Variants in MYLK observed in about 807,000 individuals in gnomAD.
MYLK encodes myosin light chain kinase, also known as myosin light chain kinase, smooth muscle.
MYLK carries 106 observed loss-of-function variants against 203.4 expected under a neutral mutation model. The observed-to-expected ratio is 0.52, with a 90% confidence interval of 0.45 to 0.61. MYLK has a LOEUF of 0.61. MYLK is among the 20% of genes least tolerant of loss of function. MYLK has a pLI of 0.00. For missense variants in MYLK, 2,072 were observed against 2,442.3 expected (o/e 0.85, Z 3.20); for synonymous variants, 867 against 959.5 (o/e 0.90, Z 1.78).
chr3:123,814,939 C>A (rs1223033821), intron 3 of MYLK, among the ~76,000 whole-genome samples: 2 of 152,018 alleles, frequency 1.3e-5, no homozygotes, highest in African/African-American at 2.4e-5. Flanking sequence ...ACTACAGGCA[C>A]CTGACACCAT....
At chr3:123,739,868 C>G (rs767620302) in intron 6 of MYLK, 85 bp downstream of exon 6, 3 of 1,455,538 alleles carry the variant, frequency 2.1e-6, no homozygotes, top group Non-Finnish European at 2.9e-6. Flanking sequence ...CTAGGAGAGC[C>G]AAGACTTACT....
intron 5 of MYLK, among the ~76,000 whole-genome samples, chr3:123,749,810 G>C (rs1576838781): frequency 6.6e-6 from 1 of 152,350 alleles, no homozygotes; most frequent in African/African-American, 2.4e-5. Context: ...AATTAGTAGA[G>C]CTAAAATTCA....
chr3:123,649,309 T>A, intron 24 of MYLK, 115 bp from the exon 25 acceptor site: 2 of 1,361,634 alleles, frequency 1.5e-6, no homozygotes, highest in Non-Finnish European at 2.1e-6. Context: ...GGCAGACGAC[T>A]ACCAGGTCCA....
intron 4 of MYLK, among the ~76,000 whole-genome samples, chr3:123,772,075 T>C (rs2063902653): frequency 6.6e-6 from 1 of 152,164 alleles, no homozygotes; most frequent in African/African-American, 2.4e-5. Context: ...GGTATGCACA[T>C]GCACTTCACC....
chr3:123,785,378 C>G (rs1000041589), intron 4 of MYLK, among the ~76,000 whole-genome samples: 3 of 152,216 alleles, frequency 2.0e-5, no homozygotes, highest in Non-Finnish European at 4.4e-5. Flanking sequence ...CATACTGCTG[C>G]TTTCCCTTTG....
chr3:123,641,076 A>G (rs1440088699), intron 27 of MYLK, among the ~76,000 whole-genome samples: 1 of 152,190 alleles, frequency 6.6e-6, no homozygotes, highest in Non-Finnish European at 1.5e-5. Flanking sequence ...GGCCTATAGT[A>G]TTGGTTTACT....
At position 123,611,348 on chromosome 3, in the gene MYLK, A is replaced by G. The variant is rs945135252; in HGVS notation, c.*2757T>C. 3 of 152,194 alleles carry G rather than the reference A, an allele frequency of 2.0e-5. No homozygotes were observed. Among genetic ancestry groups the G allele is most frequent in the African/African-American group, 7.2e-5 (3 of 41,444 alleles). The allele number at this position is 152,194 out of a possible 1,614,324, so 9.4% of individuals were successfully genotyped here. A position where few individuals can be genotyped will look rare whatever the true frequency, so the allele number is the denominator to read the frequency against. On this transcript the variant is annotated 3_prime_UTR_variant, in exon 34 of 34. Coordinates refer to ENST00000360304, the MANE Select transcript of MYLK (RefSeq NM_053025.4). ...TAGTTTCCTGATAACAAATTCTTCA[A>G]TATGAAGGTATGGATAAAGCATTTG...
rs760679725 is a variant in MYLK at position 123,709,855 on chromosome 3, C to T, written c.1843G>A (p.Val615Met). 2 of 1,614,178 alleles carry T rather than the reference C, an allele frequency of 1.2e-6. No individual in the cohort carries two copies. Among genetic ancestry groups the T allele is most frequent in the East Asian group, 4.5e-5 (2 of 44,886 alleles). ...SSRKSEYLLPVAPSKPTAPIF... is the reference protein window; with the variant it reads ...SSRKSEYLLPMAPSKPTAPIF... ...GGTGCAGTGGGCTTGCTGGGAGCCA[C>T]AGGCAGAAGGTACTCACTCTTCCTG... Residue 615 changes from valine to methionine, a missense_variant, in exon 14 of 34, where the codon GTG (valine) becomes ATG (methionine). This residue lies in a region of MYLK where 865 missense variants were observed against 1,016.0 expected (regional missense o/e 0.85). Transcript: ENST00000360304.
At chr3:123,644,933 T>C (rs78315568) in intron 27 of MYLK, among the ~76,000 whole-genome samples, 1,855 of 152,340 alleles carry the variant, frequency 0.012, 28 homozygotes, top group African/African-American at 0.038. Context: ...CAAGTACTTC[T>C]TCGTGCTGAT....
chr3:123,757,091 T>A (rs2063380685), intron 4 of MYLK, among the ~76,000 whole-genome samples: 1 of 152,212 alleles, frequency 6.6e-6, no homozygotes, highest in African/African-American at 2.4e-5. Context: ...TACCTGCCTG[T>A]CTCACTTGAG....
At chr3:123,643,678 GGTGA>G (rs1473804493) in intron 27 of MYLK, among the ~76,000 whole-genome samples, 1 of 152,156 alleles carries the variant, frequency 6.6e-6, no homozygotes, top group African/African-American at 2.4e-5. Flanking sequence ...TTAAATTAAT[GGTGA>G]GTGAGTGAAT....
At chr3:123,865,418 G>C (rs767905971) in intron 2 of MYLK, among the ~76,000 whole-genome samples, 2 of 152,162 alleles carry the variant, frequency 1.3e-5, no homozygotes, top group Non-Finnish European at 2.9e-5. Context: ...GAAAACTTTG[G>C]CCTTAATAGA....
chr3:123,645,992 A>G (rs1221746365), intron 27 of MYLK, among the ~76,000 whole-genome samples: 1 of 152,124 alleles, frequency 6.6e-6, no homozygotes, highest in Non-Finnish European at 1.5e-5. Context: ...AAAATACAAA[A>G]ATTAGCTGGG....
At chr3:123,863,266 A>C (rs1220827204) in intron 2 of MYLK, among the ~76,000 whole-genome samples, 1 of 151,972 alleles carries the variant, frequency 6.6e-6, no homozygotes, top group Non-Finnish European at 1.5e-5. Context: ...CTAAACATAA[A>C]AACTATAGTT....
In MYLK at chr3:123,884,252, G is replaced by C. The variant is rs1420727821; in HGVS notation, c.-232C>G. 1 of 149,064 alleles carries C rather than the reference G, an allele frequency of 6.7e-6. No individual in the cohort carries two copies. The highest frequency in any genetic ancestry group is 6.7e-5 in the Admixed American group (1 of 14,974). 9.2% of individuals were successfully genotyped at this position (149,064 alleles called of 1,614,324 possible). A position where few individuals can be genotyped will look rare whatever the true frequency, so the allele number is the denominator to read the frequency against. On this transcript the variant is annotated 5_prime_UTR_variant, in exon 1 of 34. Transcript: ENST00000360304. ...GGAGCCGGGGCACCGGCGCTCGGCG[G>C]GGCGCCCCGGCCGCAGGCGCACAGC...
At chr3:123,790,860 C>T (rs988480356) in intron 4 of MYLK, among the ~76,000 whole-genome samples, 1 of 152,156 alleles carries the variant, frequency 6.6e-6, no homozygotes, top group African/African-American at 2.4e-5. Flanking sequence ...CTGCCTCCAC[C>T]GTGGGCGCAA....
intron 29 of MYLK, among the ~76,000 whole-genome samples, chr3:123,633,346 C>G (rs1054595753): frequency 2.6e-5 from 4 of 151,954 alleles, no homozygotes; most frequent in African/African-American, 9.7e-5. Context: ...AGGCTGGTCT[C>G]AAACTCCTGG....
At chr3:123,810,869 A>G (rs924107171) in intron 3 of MYLK, among the ~76,000 whole-genome samples, 1 of 152,064 alleles carries the variant, frequency 6.6e-6, no homozygotes, top group Non-Finnish European at 1.5e-5. Flanking sequence ...GATTTTTGCC[A>G]TCTGCAATGA....
intron 2 of MYLK, among the ~76,000 whole-genome samples, chr3:123,863,963 G>A (rs1437713473): frequency 6.6e-6 from 1 of 152,050 alleles, no homozygotes; most frequent in East Asian, 1.9e-4. Flanking sequence ...TCCAAAAACT[G>A]GAAATGGGAT....
Sources: allele counts gnomAD v4.1 joint callset (sites outside exome capture counted in the v4.1 genomes callset), GRCh38; gene constraint gnomAD v4.1.1; regional missense constraint gnomAD v4.1.1; transcripts MANE v1.5; gene names NCBI Gene and HGNC (gene_info 2026-07-23, HGNC 2026-07-21).